Variants in KLHL25 observed in about 807,000 individuals in gnomAD.
The protein encoded by KLHL25 is kelch like family member 25.
A neutral mutation model predicts 30.0 loss-of-function variants in KLHL25; 41 were observed. The ratio of observed to expected loss-of-function variants is 1.37; its 90% confidence interval spans 1.07 to 1.78. The LOEUF (loss-of-function observed/expected upper bound fraction) is 1.78, where lower values mean the gene tolerates loss of function less well. Ranked by LOEUF, KLHL25 falls within the 40% of genes most tolerant of loss-of-function variation. KLHL25 has a pLI of 0.00. For missense variants in KLHL25, 971 were observed against 824.5 expected (o/e 1.18, Z -2.18); for synonymous variants, 399 against 355.3 (o/e 1.12, Z -1.38).
At chr15:85,776,147 T>C (rs1296116665) in intron 1 of KLHL25, among the ~76,000 whole-genome samples, 2 of 145,034 alleles carry the variant, frequency 1.4e-5, no homozygotes, top group African/African-American at 5.1e-5. Context: ...CACTCCAGCC[T>C]GGGCGACAGA....
intron 1 of KLHL25, among the ~76,000 whole-genome samples, chr15:85,787,325 A>G (rs550814724): frequency 6.6e-5 from 10 of 152,278 alleles, no homozygotes; most frequent in Admixed American, 4.6e-4. Context: ...GCTTGCCTGT[A>G]ATCCCAGCTA....
chr15:85,761,034 G>GA (rs911880232), intron 2 of KLHL25, 23 bp from the exon 3 acceptor site: 2 of 152,384 alleles, frequency 1.3e-5, no homozygotes, highest in Non-Finnish European at 2.9e-5. Flanking sequence ...GAGAGGAAGA[G>GA]AAAATCAATC....
Position 85,768,252 on chromosome 15 carries a change from C to T in KLHL25, c.1559G>A (p.Arg520Gln), listed in dbSNP as rs143129586. Residue 520 changes from arginine (R) to glutamine (Q), a missense_variant, in exon 2 of 3, where the codon CGG becomes CAG. By Grantham distance (43) the Arg-to-Gln change is conservative. Coordinates refer to ENST00000337975, the MANE Select transcript of KLHL25 (RefSeq NM_022480.4). ...RFDCETNQWT[R>Q]IGDMTAKRMS... ...GCGCTTGGCAGTCATGTCCCCAATC[C>T]GCGTCCACTGGTTGGTCTCACAGTC... 2 of 1,614,040 alleles carry T rather than the reference C, an allele frequency of 1.2e-6. No homozygotes were observed. The highest frequency in any genetic ancestry group is 1.3e-5 in the African/African-American group (1 of 74,930).
At position 85,768,162 on chromosome 15, in the gene KLHL25, T is replaced by A; in HGVS notation, c.1649A>T (p.Gln550Leu). The A allele has an allele frequency of 6.2e-7, 1 of 1,614,238 alleles. No homozygotes were observed. Among genetic ancestry groups the A allele is most frequent in the Non-Finnish European group, 8.5e-7 (1 of 1,180,046 alleles). ...LYVVGGYFGT[Q>L]RCKTLDCYDP... Reference sequence around the variant, plus strand: ...ATAGCAGTCCAGAGTCTTACACCTCTGGGTCCCAAAGTAGCCCCCGACCAC... The same window carrying A: ...ATAGCAGTCCAGAGTCTTACACCTCAGGGTCCCAAAGTAGCCCCCGACCAC... The change falls in exon 2 of 3, where the codon CAG becomes CTG. Residue 550 changes from glutamine to leucine, a missense_variant. Gln to Leu is a moderately radical substitution (Grantham distance 113, BLOSUM62 -2). Coordinates refer to ENST00000337975, the MANE Select transcript of KLHL25 (RefSeq NM_022480.4).
At position 85,768,203 on chromosome 15, in the gene KLHL25, G is replaced by T. The variant is rs555788393; in HGVS notation, c.1608C>A (p.Ser536=). ...AKRMSCHALA[S]GNKLYVVGGY... ...CCCCGACCACATAGAGCTTGTTGCC[G>T]GAAGCCAGGGCATGGCAGGACATGC... The change falls in exon 2 of 3, where the codon TCC becomes TCA. Residue 536 remains serine, a synonymous_variant. Coordinates refer to ENST00000337975, the MANE Select transcript of KLHL25 (RefSeq NM_022480.4). The T allele has an allele frequency of 1.2e-6, 2 of 1,614,050 alleles. No individual in the cohort carries two copies. Among genetic ancestry groups the T allele is most frequent in the East Asian group, 2.2e-5 (1 of 44,894 alleles).
intron 2 of KLHL25, chr15:85,761,965 G>A (rs2089586183): frequency 1.3e-5 from 2 of 152,396 alleles, no homozygotes; most frequent in South Asian, 4.1e-4. Context: ...AAACACTGAA[G>A]CCAGCACTGA....
rs112655551 is a variant in KLHL25 at position 85,765,348 on chromosome 15, G to A, written c.*24+2669C>T. On this transcript the variant is annotated intron_variant, in intron 2 of 2. Coordinates refer to ENST00000337975, the MANE Select transcript of KLHL25 (RefSeq NM_022480.4). ...CAGCAGATTAAAAAAAAAGAAGACC[G>A]GGCACGAAGGCTCACACCTGTAATC... is the stretch of plus-strand genomic sequence containing the variant. Among the ~76,000 whole-genome samples the A allele has an allele frequency of 5.8e-4, 88 of 151,876 alleles. 1 individual carries two copies. The highest frequency in any genetic ancestry group is 1.9e-3 in the African/African-American group (77 of 41,416).
Position 85,769,490 on chromosome 15 carries a change from G to A in KLHL25, c.321C>T (p.Ser107=). The A allele has an allele frequency of 6.2e-7, 1 of 1,614,056 alleles. No individual in the cohort carries two copies. The highest frequency in any genetic ancestry group is 1.1e-5 in the South Asian group (1 of 91,084). ...VLELLLDFAY[S]SRIAINEENA... ...TCTCCTCGTTGATGGCGATGCGTGAGGAGTAGGCAAAGTCCAGCAGCAGCT... is the reference window on the plus strand; with the variant it reads ...TCTCCTCGTTGATGGCGATGCGTGAAGAGTAGGCAAAGTCCAGCAGCAGCT... Residue 107 remains serine (S), a synonymous_variant, in exon 2 of 3, where the codon TCC becomes TCT. Transcript: ENST00000337975.
chr15:85,788,001 A>G (rs549413350), intron 1 of KLHL25, among the ~76,000 whole-genome samples: 1 of 133,318 alleles, frequency 7.5e-6, no homozygotes, highest in East Asian at 2.4e-4. Context: ...AGCGGAGGTG[A>G]GCTGAGATCG....
chr15:85,763,589 CAG>C (rs1352800573), intron 2 of KLHL25: 1 of 152,440 alleles, frequency 6.6e-6, no homozygotes, highest in Non-Finnish European at 1.5e-5. Flanking sequence ...TGTGGACAAA[CAG>C]GGGCCATGAT....
chr15:85,776,351 T>C (rs929444435), intron 1 of KLHL25, among the ~76,000 whole-genome samples: 2 of 151,934 alleles, frequency 1.3e-5, no homozygotes, highest in Non-Finnish European at 2.9e-5. Flanking sequence ...TAGCTGGGCA[T>C]GGTGGCACGC....
chr15:85,766,106 G>A (rs1567237503), intron 2 of KLHL25, among the ~76,000 whole-genome samples: 1 of 152,222 alleles, frequency 6.6e-6, no homozygotes, highest in Non-Finnish European at 1.5e-5. Flanking sequence ...ATCAGCAGCC[G>A]CTGGCTCACT....
intron 2 of KLHL25, among the ~76,000 whole-genome samples, chr15:85,765,777 A>G (rs956616113): frequency 8.6e-5 from 13 of 150,908 alleles, no homozygotes; most frequent in Non-Finnish European, 1.6e-4. Flanking sequence ...GGTTGCAGTG[A>G]GCAGAGATCG....
At position 85,794,912 on chromosome 15, in the gene KLHL25, A is replaced by G. The variant is rs1374089717; in HGVS notation, c.-157T>C. 1 of 152,412 alleles carries G rather than the reference A, an allele frequency of 6.6e-6. No individual in the cohort carries two copies. Among genetic ancestry groups the G allele is most frequent in the Non-Finnish European group, 1.5e-5 (1 of 68,198 alleles). 9.4% of individuals were successfully genotyped at this position (152,412 alleles called of 1,614,324 possible). A position where few individuals can be genotyped will look rare whatever the true frequency, so the allele number is the denominator to read the frequency against. Reference sequence around the variant, plus strand: ...CTGCGATACAGCCTAGGCGCCGCCAACAAACTAGTTTCTCCGGCCTTCCCG... The same window carrying G: ...CTGCGATACAGCCTAGGCGCCGCCAGCAAACTAGTTTCTCCGGCCTTCCCG... On this transcript the variant is annotated 5_prime_UTR_variant, in exon 1 of 3. Transcript: ENST00000337975.
chr15:85,769,655 C>A lies in KLHL25; in HGVS notation c.156G>T (p.Ala52=), dbSNP rs142603593. The A allele has an allele frequency of 1.9e-6, 3 of 1,613,628 alleles. No homozygotes were observed. The highest frequency in any genetic ancestry group is 1.3e-5 in the African/African-American group (1 of 75,064). Residue 52 remains alanine, a synonymous_variant, in exon 2 of 3, where the codon GCG becomes GCT. Coordinates refer to ENST00000337975, the MANE Select transcript of KLHL25 (RefSeq NM_022480.4). ...GGTGACAGGGGAAGGCACGGTCGCC[C>A]GCCCAGAGTGTGACGTCGGTGAACA... The part of the protein sequence containing the change: ...HCMFTDVTLW[A]GDRAFPCHRA...
At chr15:85,792,073 T>C (rs1597283686) in intron 1 of KLHL25, among the ~76,000 whole-genome samples, 2 of 152,258 alleles carry the variant, frequency 1.3e-5, no homozygotes, top group East Asian at 3.9e-4. Flanking sequence ...ATGACAGGTG[T>C]CAGCTTTTGA....
rs144255572 is a variant in KLHL25 at position 85,775,298 on chromosome 15, C to A, written c.-10-5478G>T. On this transcript the variant is annotated intron_variant, in intron 1 of 2. Coordinates refer to ENST00000337975, the MANE Select transcript of KLHL25 (RefSeq NM_022480.4). ...CTTTTGGGCTTTTTGACAGATGTGGCTCTGGACCCAAGCACAAGACTTAGA... is the reference window on the plus strand; with the variant it reads ...CTTTTGGGCTTTTTGACAGATGTGGATCTGGACCCAAGCACAAGACTTAGA... Among the ~76,000 whole-genome samples, 1,003 of 152,250 alleles carry A rather than the reference C, an allele frequency of 6.6e-3. 12 individuals carry two copies. The highest frequency in any genetic ancestry group is 0.023 in the African/African-American group (941 of 41,552).
At chr15:85,764,183 G>A (rs995883656) in intron 2 of KLHL25, 1 of 152,306 alleles carries the variant, frequency 6.6e-6, no homozygotes, top group Admixed American at 6.5e-5. Context: ...CTGGGCTGCA[G>A]GCCCTTCTAT....
intron 2 of KLHL25, among the ~76,000 whole-genome samples, chr15:85,767,664 G>A (rs1406056812): frequency 6.6e-6 from 1 of 152,230 alleles, no homozygotes. Flanking sequence ...TCAAAAGTAA[G>A]AGCAGGCTTG....
Sources: allele counts gnomAD v4.1 joint callset (sites outside exome capture counted in the v4.1 genomes callset), GRCh38; gene constraint gnomAD v4.1.1; transcripts MANE v1.5; gene names NCBI Gene and HGNC (gene_info 2026-07-23, HGNC 2026-07-21).